CAMTA1: variants seen among roughly 807,000 people sequenced by gnomAD.
CAMTA1 encodes calmodulin binding transcription activator 1.
CAMTA1 carries 27 observed loss-of-function variants against 170.9 expected under a neutral mutation model. The ratio of observed to expected loss-of-function variants is 0.16; its 90% confidence interval spans 0.12 to 0.22. The LOEUF (loss-of-function observed/expected upper bound fraction) is 0.22. Ranked by LOEUF, CAMTA1 falls within the 10% of genes least tolerant of loss-of-function variation. The pLI is 1.00. For synonymous variants in CAMTA1, 833 were observed against 891.5 expected (o/e 0.93, Z 1.17); for missense variants, 1,619 against 2,217.2 (o/e 0.73, Z 5.42).
intron 11 of CAMTA1, among the ~76,000 whole-genome samples, chr1:7,691,629 T>G (rs2096312819): frequency 6.6e-6 from 1 of 152,104 alleles, no homozygotes; most frequent in Non-Finnish European, 1.5e-5. Context: ...GTCATTCACC[T>G]TGGAGGAGGA....
chr1:7,303,761 G>T (rs115383106), intron 5 of CAMTA1, among the ~76,000 whole-genome samples: 24 of 152,328 alleles, frequency 1.6e-4, no homozygotes, highest in Non-Finnish European at 2.8e-4. Flanking sequence ...GGCATGGGAC[G>T]TGGCTGCAAC....
chr1:7,297,091 T>C (rs1402206586), intron 5 of CAMTA1, among the ~76,000 whole-genome samples: 1 of 152,240 alleles, frequency 6.6e-6, no homozygotes, highest in Non-Finnish European at 1.5e-5. Flanking sequence ...GTCCTAATTT[T>C]GCAAAAATAA....
chr1:7,348,551 G>A (rs1388009871), intron 5 of CAMTA1, among the ~76,000 whole-genome samples: 3 of 138,600 alleles, frequency 2.2e-5, no homozygotes, highest in Admixed American at 2.1e-4. Context: ...GTAAAGGTTC[G>A]GCCGCCTACA....
At position 7,685,322 on chromosome 1, in the gene CAMTA1, T is replaced by A. The variant is rs1453880641; in HGVS notation, c.2914+7589T>A. 6.6e-6 allele frequency among the ~76,000 whole-genome samples: 1 copy of A among 152,186 alleles called. No homozygotes were observed. Among genetic ancestry groups the A allele is most frequent in the Non-Finnish European group, 1.5e-5 (1 of 68,034 alleles). On this transcript the variant is annotated intron_variant, in intron 11 of 22. Coordinates refer to ENST00000303635, the MANE Select transcript of CAMTA1 (RefSeq NM_015215.4). The surrounding 1 kb of genome is among the most constrained non-coding windows in gnomAD (Gnocchi z 5.7). ...TGGAGGAGCCACTCACAGGATGCCCTCCTGTTGGAATGCTCAGGGACGGCC... is the reference window on the plus strand; with the variant it reads ...TGGAGGAGCCACTCACAGGATGCCCACCTGTTGGAATGCTCAGGGACGGCC...
chr1:7,022,071 A>G (rs1332299864), intron 3 of CAMTA1, among the ~76,000 whole-genome samples: 1 of 151,904 alleles, frequency 6.6e-6, no homozygotes, highest in African/African-American at 2.4e-5. Flanking sequence ...CCCGAGCGTG[A>G]CTCCCCTCCA....
At chr1:7,159,284 A>G (rs955907997) in intron 4 of CAMTA1, among the ~76,000 whole-genome samples, 91 of 152,068 alleles carry the variant, frequency 6.0e-4, no homozygotes, top group Non-Finnish European at 1.8e-4. Flanking sequence ...TTACTTTTCA[A>G]TGTGAGTAGA....
intron 7 of CAMTA1, among the ~76,000 whole-genome samples, chr1:7,661,439 A>G (rs2149133953): frequency 6.6e-6 from 1 of 152,144 alleles, no homozygotes; most frequent in South Asian, 2.1e-4. Flanking sequence ...GTGCACTCTG[A>G]CTTTAGGGAA....
intron 4 of CAMTA1, among the ~76,000 whole-genome samples, chr1:7,156,427 A>G (rs1192361274): frequency 6.6e-6 from 1 of 152,174 alleles, no homozygotes; most frequent in East Asian, 1.9e-4. Context: ...GAGACAGGCG[A>G]CCAGCTGGCC....
chr1:6,896,921 C>A (rs1027035522), intron 3 of CAMTA1, among the ~76,000 whole-genome samples: 1 of 152,112 alleles, frequency 6.6e-6, no homozygotes, highest in Admixed American at 6.5e-5. Flanking sequence ...GGCATTATTA[C>A]AGTGATTGGG....
Position 7,738,881 on chromosome 1 carries a change from T to G in CAMTA1, c.4182+399T>G, listed in dbSNP as rs897322922. Among the ~76,000 whole-genome samples, 14 of 152,232 alleles carry G rather than the reference T, an allele frequency of 9.2e-5. No individual in the cohort carries two copies. Among genetic ancestry groups the G allele is most frequent in the Non-Finnish European group, 1.8e-4 (12 of 68,044 alleles). On this transcript the variant is annotated intron_variant, in intron 16 of 22. Transcript: ENST00000303635. The surrounding 1 kb of genome is among the most constrained non-coding windows in gnomAD (Gnocchi z 4.9). ...AGAACAGGAAGCCCGTGGATAGATT[T>G]TGAATTATCTGAGTGACCTTGATCG...
intron 22 of CAMTA1, among the ~76,000 whole-genome samples, chr1:7,756,200 C>G (rs191543599): frequency 4.6e-5 from 7 of 151,690 alleles, no homozygotes; most frequent in African/African-American, 1.7e-4. Context: ...CCTGCATTTT[C>G]TAAATCTCTC....
intron 1 of CAMTA1, among the ~76,000 whole-genome samples, chr1:6,792,752 G>A (rs1404013812): frequency 6.6e-6 from 1 of 151,834 alleles, no homozygotes; most frequent in African/African-American, 2.4e-5. Context: ...TCTTGTTTTT[G>A]TTTTTCAAAT....
chr1:6,790,799 A>G (rs557473666), intron 1 of CAMTA1, among the ~76,000 whole-genome samples: 1 of 152,096 alleles, frequency 6.6e-6, no homozygotes, highest in African/African-American at 2.4e-5. Flanking sequence ...AATTGCCTCA[A>G]ATTCTTTGTG....
At chr1:7,270,397 C>T (rs1005032257) in intron 5 of CAMTA1, among the ~76,000 whole-genome samples, 3 of 150,488 alleles carry the variant, frequency 2.0e-5, no homozygotes, top group African/African-American at 4.9e-5. Flanking sequence ...CAGGTTCAAG[C>T]GATTCTCCTG....
intron 3 of CAMTA1, among the ~76,000 whole-genome samples, chr1:6,983,402 T>G (rs1285563595): frequency 6.6e-6 from 1 of 152,174 alleles, no homozygotes; most frequent in Non-Finnish European, 1.5e-5. Flanking sequence ...ACTCTCCCTC[T>G]TCTTCCCCTT....
At chr1:7,260,565 C>T (rs567783585) in intron 5 of CAMTA1, among the ~76,000 whole-genome samples, 2 of 152,328 alleles carry the variant, frequency 1.3e-5, no homozygotes, top group Admixed American at 6.5e-5. Flanking sequence ...ACTCTGTGTT[C>T]TCCTGTCTAG....
At chr1:6,792,635 C>CTA (rs1641442748) in intron 1 of CAMTA1, among the ~76,000 whole-genome samples, 6 of 152,130 alleles carry the variant, frequency 3.9e-5, no homozygotes, top group Middle Eastern at 3.4e-3. Flanking sequence ...GATGGAATGA[C>CTA]TAGAGATTTT....
Position 6,858,486 on chromosome 1 carries a change from TG to T in CAMTA1, c.234+33286del, listed in dbSNP as rs70984029. Among the ~76,000 whole-genome samples, 101 of 89,998 alleles carry T rather than the reference TG, an allele frequency of 1.1e-3. 1 individual carries two copies. Among genetic ancestry groups the T allele is most frequent in the Middle Eastern group, 0.012 (2 of 166 alleles). The allele number at this position is 89,998 out of a possible 152,430, so 59.0% of individuals were successfully genotyped here. A position where few individuals can be genotyped will look rare whatever the true frequency, so the allele number is the denominator to read the frequency against. On this transcript the variant is annotated intron_variant, in intron 3 of 22. Coordinates refer to ENST00000303635, the MANE Select transcript of CAMTA1 (RefSeq NM_015215.4). ...GTGGTGGTGGTGTGTGTGTGTGTGT[TG>T]GGGGGGGGGTGTTGTGATTGTTTTA...
chr1:7,745,171 T>C (rs2096848245), intron 17 of CAMTA1, 149 bp downstream of exon 17: 2 of 699,654 alleles, frequency 2.9e-6, no homozygotes. Flanking sequence ...GTTGCCACTT[T>C]CAAGGCCCAG....
Sources: allele counts gnomAD v4.1 joint callset (sites outside exome capture counted in the v4.1 genomes callset), GRCh38; gene constraint gnomAD v4.1.1; non-coding constraint Gnocchi (gnomAD v3.1); transcripts MANE v1.5; gene names NCBI Gene and HGNC (gene_info 2026-07-23, HGNC 2026-07-21).